The following SIDT1 variants were observed in gnomAD, a reference collection of about 807,000 sequenced individuals.
The protein encoded by SIDT1 is SID1 transmembrane family member 1.
In SIDT1, 101 loss-of-function variants were observed where a neutral mutation model predicts 107.5. The ratio of observed to expected loss-of-function variants is 0.94; its 90% CI spans 0.80 to 1.11. SIDT1 has a LOEUF of 1.11. Among genes scored for constraint, SIDT1 ranks in the 50% least tolerant of loss-of-function variants. SIDT1 has a pLI of 0.00. For synonymous variants in SIDT1, 395 were observed against 398.2 expected (o/e 0.99, Z 0.10); for missense variants, 1,076 against 1,058.2 (o/e 1.02, Z -0.23).
intron 1 of SIDT1, among the ~76,000 whole-genome samples, chr3:113,557,793 A>G (rs1941036347): frequency 6.6e-6 from 1 of 152,216 alleles, no homozygotes; most frequent in African/African-American, 2.4e-5. Context: ...ATCCTAGGAA[A>G]CTAACCTGAT....
At chr3:113,596,910 A>C (rs1944598104) in intron 10 of SIDT1, among the ~76,000 whole-genome samples, 1 of 152,204 alleles carries the variant, frequency 6.6e-6, no homozygotes, top group African/African-American at 2.4e-5. Context: ...CCTTCCCTGG[A>C]TACAGCCATT....
intron 1 of SIDT1, among the ~76,000 whole-genome samples, chr3:113,562,508 T>A (rs1014868075): frequency 1.1e-4 from 16 of 152,210 alleles, no homozygotes; most frequent in African/African-American, 3.9e-4. Flanking sequence ...GGATGTGGTA[T>A]GTGCATGCAA....
At chr3:113,620,055 A>AATAGATAG (rs746867291) in intron 21 of SIDT1, 96 of 191,194 alleles carry the variant, frequency 5.0e-4, no homozygotes, top group African/African-American at 1.1e-3. Flanking sequence ...ATGATAGATA[A>AATAGATAG]ATAGATAGAT....
intron 1 of SIDT1, among the ~76,000 whole-genome samples, chr3:113,543,409 G>A (rs1939175862): frequency 6.6e-6 from 1 of 152,094 alleles, no homozygotes; most frequent in Non-Finnish European, 1.5e-5. Flanking sequence ...ACTTTTTGAA[G>A]GATTTTGGGG....
At chr3:113,601,393 A>G (rs1196923221) in intron 10 of SIDT1, 195 bp from the exon 11 acceptor site, 1 of 438,366 alleles carries the variant, frequency 2.3e-6, no homozygotes, top group Admixed American at 4.1e-5. Flanking sequence ...AACTAATCTT[A>G]GTTGAAGAGC....
At chr3:113,591,659 C>T (rs1944162977) in intron 9 of SIDT1, among the ~76,000 whole-genome samples, 1 of 152,226 alleles carries the variant, frequency 6.6e-6, no homozygotes, top group African/African-American at 2.4e-5. Flanking sequence ...CGCACCACTG[C>T]ACTCCAGCCT....
rs751320471 is a variant in SIDT1 at position 113,585,287 on chromosome 3, T to C, written c.1001+17T>C. 5.8e-6 allele frequency: 9 copies of C among 1,551,382 alleles called. No homozygotes were observed. In the South Asian group the frequency reaches 1.0e-4, roughly 17 times the overall value. On this transcript the variant is annotated intron_variant, in intron 9 of 24. Transcript: ENST00000264852. ...TTATCTGAGGTAGGTCAATCTTTTC[T>C]AGAAATGTTAATTCCCTGTGCCTGT...
At position 113,576,945 on chromosome 3, in the gene SIDT1, C is replaced by T. The variant is rs374053100; in HGVS notation, c.539C>T (p.Thr180Ile). Residue 180 changes from threonine (T) to isoleucine (I), a missense_variant, in exon 4 of 25, where the codon ACT (threonine) becomes ATT (isoleucine). Thr to Ile is a moderately conservative substitution (Grantham distance 89, BLOSUM62 -1). Transcript: ENST00000264852. ...QLRTNVAFHF[T>I]ASPSQPQYFL... is the part of the protein sequence containing the mutation. ...AGGACAAATGTTGCCTTTCACTTTA[C>T]TGCCAGCCCCTCTCAACCTCAGGTA... 6.8e-6 allele frequency: 11 copies of T among 1,614,068 alleles called. No individual in the cohort carries two copies. The highest frequency in any genetic ancestry group is 1.7e-5 in the Admixed American group (1 of 60,014).
At chr3:113,590,098 A>C (rs1452846201) in intron 9 of SIDT1, 2 of 152,282 alleles carry the variant, frequency 1.3e-5, no homozygotes, top group Non-Finnish European at 2.9e-5. Flanking sequence ...TTTAGATTAG[A>C]TTTGATTGGC....
At chr3:113,603,580 C>T (rs1030483346) in intron 12 of SIDT1, among the ~76,000 whole-genome samples, 5 of 152,156 alleles carry the variant, frequency 3.3e-5, no homozygotes, top group African/African-American at 1.2e-4. Flanking sequence ...GAAGGGGAAA[C>T]GTACAGTTTC....
chr3:113,569,870 A>C (rs559032184), intron 3 of SIDT1, among the ~76,000 whole-genome samples: 1 of 152,296 alleles, frequency 6.6e-6, no homozygotes, highest in South Asian at 2.1e-4. Context: ...GCGAACCACT[A>C]CCCTAAAATG....
chr3:113,602,927 C>T, intron 11 of SIDT1, 78 bp from the exon 12 acceptor site: 2 of 1,498,826 alleles, frequency 1.3e-6, no homozygotes, highest in South Asian at 2.5e-5. Flanking sequence ...TGAGTCTGCA[C>T]TGTGCTTTTT....
chr3:113,619,833 A>G, intron 21 of SIDT1, 107 bp downstream of exon 21: 3 of 1,015,008 alleles, frequency 3.0e-6, no homozygotes, highest in Non-Finnish European at 4.6e-6. Context: ...AATTAAGGAG[A>G]AGGTAGGACT....
intron 4 of SIDT1, among the ~76,000 whole-genome samples, chr3:113,578,125 T>C (rs1322964953): frequency 1.3e-5 from 2 of 152,176 alleles, no homozygotes; most frequent in African/African-American, 4.8e-5. Flanking sequence ...TTTCAAGAAA[T>C]ATTTTAAAAG....
chr3:113,589,529 C>CTTT (rs386397654), intron 9 of SIDT1, among the ~76,000 whole-genome samples: 15,430 of 115,928 alleles, frequency 0.13, 1,149 homozygotes, highest in Non-Finnish European at 0.17. Flanking sequence ...ACTTCTCTCC[C>CTTT]TTTTTTTTTT....
intron 1 of SIDT1, among the ~76,000 whole-genome samples, chr3:113,546,907 T>A (rs1939659059): frequency 6.6e-6 from 1 of 152,200 alleles, no homozygotes; most frequent in South Asian, 2.1e-4. Context: ...AACAGAAATT[T>A]CATGTCAACA....
intron 17 of SIDT1, among the ~76,000 whole-genome samples, chr3:113,610,167 T>A (rs993597922): frequency 2.0e-5 from 3 of 152,226 alleles, no homozygotes; most frequent in Non-Finnish European, 2.9e-5. Flanking sequence ...CATTTAAATG[T>A]TGCCTGTATT....
intron 1 of SIDT1, among the ~76,000 whole-genome samples, chr3:113,547,472 G>A (rs531326014): frequency 2.0e-5 from 3 of 152,080 alleles, no homozygotes; most frequent in South Asian, 2.1e-4. Context: ...TTGAATTCTC[G>A]TTCCCTCATT....
intron 19 of SIDT1, 153 bp downstream of exon 19, chr3:113,612,347 A>G (rs769418904): frequency 1.3e-5 from 9 of 693,046 alleles, no homozygotes; most frequent in Non-Finnish European, 2.1e-5. Flanking sequence ...TATTCGCTCC[A>G]AGAGCTTCCT....
Sources: allele counts gnomAD v4.1 joint callset (sites outside exome capture counted in the v4.1 genomes callset), GRCh38; gene constraint gnomAD v4.1.1; transcripts MANE v1.5; gene names NCBI Gene and HGNC (gene_info 2026-07-23, HGNC 2026-07-21).